Variants in FOXM1 observed in about 807,000 individuals in gnomAD.
FOXM1 encodes forkhead box M1.
FOXM1 carries 25 observed loss-of-function variants against 63.6 expected under a neutral mutation model. That is an observed-to-expected ratio of 0.39 (90% CI 0.29 to 0.55). FOXM1 has a LOEUF of 0.55. Ranked by LOEUF, FOXM1 falls within the 20% of genes least tolerant of loss-of-function variation. The pLI is 0.60. For synonymous variants in FOXM1, 387 were observed against 376.9 expected, an observed-to-expected ratio of 1.03 and a Z score of -0.31; for missense variants, 879 against 958.7, an observed-to-expected ratio of 0.92 and a Z score of 1.10.
Position 2,858,035 on chromosome 12 carries a change from G to T in FOXM1, c.*603C>A, listed in dbSNP as rs963020716. Reference sequence around the variant, plus strand: ...AGGAAAGCTGACTTGGAAACACGGGGAGGTGGCAGGGAGGGGCAAAAAGGA... The same window carrying T: ...AGGAAAGCTGACTTGGAAACACGGGTAGGTGGCAGGGAGGGGCAAAAAGGA... On this transcript the variant is annotated 3_prime_UTR_variant, in exon 9 of 9. Transcript: ENST00000359843. 2.0e-5 allele frequency: 3 copies of T among 152,784 alleles called. No individual in the cohort carries two copies. Among genetic ancestry groups the T allele is most frequent in the African/African-American group, 7.2e-5 (3 of 41,438 alleles). 9.5% of individuals were successfully genotyped at this position (152,784 alleles called of 1,614,324 possible). A position where few individuals can be genotyped will look rare whatever the true frequency, so the allele number is the denominator to read the frequency against.
Position 2,865,643 on chromosome 12 carries a change from C to CTT in FOXM1, c.976-246_976-245dup, listed in dbSNP as rs58125017. On this transcript the variant is annotated intron_variant, in intron 5 of 8. Transcript: ENST00000359843. ...CTTCTGGTCTCCAGCCTAAGGCAGG[C>CTT]TTTTTTTTTTTTTTTTTTTTTTTTT... Among the ~76,000 whole-genome samples, 13 of 67,976 alleles carry CTT rather than the reference C, an allele frequency of 1.9e-4. 1 individual carries two copies. Among genetic ancestry groups the CTT allele is most frequent in the Non-Finnish European group, 3.4e-4 (12 of 34,914 alleles). 44.6% of individuals were successfully genotyped at this position (67,976 alleles called of 152,430 possible).
At chr12:2,865,480 CACTT>C in intron 5 of FOXM1, 81 bp from the exon 6 acceptor site, 1 of 1,170,956 alleles carries the variant, frequency 8.5e-7, no homozygotes, top group African/African-American at 1.5e-5. Context: ...TTGGGAAAAA[CACTT>C]ATTCCTGACT....
At chr12:2,868,024 C>G (rs934402591) in intron 4 of FOXM1, among the ~76,000 whole-genome samples, 2 of 145,510 alleles carry the variant, frequency 1.4e-5, no homozygotes, top group African/African-American at 5.0e-5. Flanking sequence ...ATGAGGAAAA[C>G]AAAGCACACT....
In FOXM1 at chr12:2,872,522, T is replaced by C. The variant is rs1448486713; in HGVS notation, c.503-275A>G. On this transcript the variant is annotated intron_variant, in intron 2 of 8. Transcript: ENST00000359843. This position sits in a 1 kb window ranked among gnomAD's most constrained non-coding sequence, Gnocchi z 4.0. Reference sequence around the variant, plus strand: ...TACTCAGGAGGCTGAGACAGGAGAATTGCTCGAACCCGGGAGACGAAGGCT... The same window carrying C: ...TACTCAGGAGGCTGAGACAGGAGAACTGCTCGAACCCGGGAGACGAAGGCT... Among the ~76,000 whole-genome samples the C allele has an allele frequency of 6.6e-6, 1 of 152,096 alleles. No homozygotes were observed. Among genetic ancestry groups the C allele is most frequent in the African/African-American group, 2.4e-5 (1 of 41,386 alleles).
In FOXM1 at chr12:2,866,510, G is replaced by A. The variant is rs2098123405; in HGVS notation, c.858C>T (p.Arg286=). The change falls in exon 5 of 9, where the codon CGC becomes CGT. Residue 286 remains arginine (R), a synonymous_variant. Coordinates refer to ENST00000359843, the MANE Select transcript of FOXM1 (RefSeq NM_021953.4). ...ACATGTCGTGCAGGGAAAGGTTGTGGCGGATGGAGTTCTGGAAGAAGAGCA... is the reference window on the plus strand; with the variant it reads ...ACATGTCGTGCAGGGAAAGGTTGTGACGGATGGAGTTCTGGAAGAAGAGCA... ...IAKPGWKNSI[R]HNLSLHDMFV... 1 of 1,542,982 alleles carries A rather than the reference G, an allele frequency of 6.5e-7. No individual in the cohort carries two copies. Among genetic ancestry groups the A allele is most frequent in the Non-Finnish European group, 8.7e-7 (1 of 1,149,978 alleles).
At chr12:2,868,411 A>G (rs1416936933) in intron 4 of FOXM1, 152 bp downstream of exon 4, 4 of 588,024 alleles carry the variant, frequency 6.8e-6, no homozygotes, top group African/African-American at 1.9e-5. Context: ...CCTGGATTCA[A>G]TAAGATTGAG....
rs749932902 is a variant in FOXM1, at chr12:2,874,173, C to T, written c.306G>A (p.Gly102=). ...AGCTGATGAGGATGAATTTGTTGGG[C>T]CCACTACTGCCACTCTCTTTTCCCT... ...TAKGKESGSS[G]PNKFILISCG... The change falls in exon 2 of 9, where the codon GGG becomes GGA. Residue 102 remains glycine (G), a synonymous_variant. Coordinates refer to ENST00000359843, the MANE Select transcript of FOXM1 (RefSeq NM_021953.4). The surrounding 1 kb of genome is among the most constrained non-coding windows in gnomAD (Gnocchi z 4.3). 73 of 1,614,042 alleles carry T rather than the reference C, an allele frequency of 4.5e-5. 3 individuals carry two copies. The Middle Eastern group carries it at 1.2e-3, about 25-fold the overall frequency.
Position 2,858,652 on chromosome 12 carries a change from G to A in FOXM1, c.2278C>T (p.Pro760Ser), listed in dbSNP as rs2098097700. 1 of 1,613,956 alleles carries A rather than the reference G, an allele frequency of 6.2e-7. No individual in the cohort carries two copies. Among genetic ancestry groups the A allele is most frequent in the Non-Finnish European group, 8.5e-7 (1 of 1,179,940 alleles). The change falls in exon 9 of 9, where the codon CCT becomes TCT. Residue 760 changes from proline (P) to serine (S), a missense_variant. Physicochemically the swap from Pro to Ser is moderately conservative, Grantham distance 74. Coordinates refer to ENST00000359843, the MANE Select transcript of FOXM1 (RefSeq NM_021953.4). ...AGGGCAGGGCTCTACTGTAGCTCAGGAATAAACTGGGACCAGTTGATGTTG... is the reference window on the plus strand; with the variant it reads ...AGGGCAGGGCTCTACTGTAGCTCAGAAATAAACTGGGACCAGTTGATGTTG... ...PDNINWSQFI[P>S]ELQ is the part of the protein sequence containing the mutation.
At chr12:2,868,832 A>G (rs554931545) in intron 3 of FOXM1, 78 bp from the exon 4 acceptor site, 1 of 1,157,838 alleles carries the variant, frequency 8.6e-7, no homozygotes, top group Admixed American at 2.2e-5. Context: ...AAGAACATCT[A>G]GAGAAACCTT....
rs1415906004 is a variant in FOXM1, at chr12:2,868,554, A to G, written c.846+9T>C. The G allele has an allele frequency of 6.2e-7, 1 of 1,600,570 alleles. No individual in the cohort carries two copies. Among genetic ancestry groups the G allele is most frequent in the Non-Finnish European group, 8.5e-7 (1 of 1,172,294 alleles). On this transcript the variant is annotated intron_variant, in intron 4 of 8. Transcript: ENST00000359843. The stretch of plus-strand genomic sequence containing the variant: ...TGACCTTGATTTTGGTTGCTGTGGG[A>G]CACATTACCTTCCAGCCTGGCTTGG...
chr12:2,860,004 C>T (rs898939557), intron 8 of FOXM1, among the ~76,000 whole-genome samples: 2 of 151,886 alleles, frequency 1.3e-5, no homozygotes, highest in Non-Finnish European at 1.5e-5. Context: ...TGGTACACAA[C>T]CCCCAACTGC....
At chr12:2,869,115 C>G (rs1039704363) in intron 3 of FOXM1, among the ~76,000 whole-genome samples, 2 of 152,138 alleles carry the variant, frequency 1.3e-5, no homozygotes, top group Non-Finnish European at 2.9e-5. Flanking sequence ...GTCTAGAAAC[C>G]TAGGTCTTAG....
intron 4 of FOXM1, chr12:2,868,355 G>T (rs1382224554): frequency 9.0e-6 from 4 of 443,684 alleles, no homozygotes. Flanking sequence ...ATGGACTTTA[G>T]GTAGTAACAC....
Position 2,874,510 on chromosome 12 carries a change from A to G in FOXM1, c.-32T>C. ...TCTGCGTTTTCACTCTCCATTGAGAATCACAAGTGTGGACCCTGGAAAATG... is the reference window on the plus strand; with the variant it reads ...TCTGCGTTTTCACTCTCCATTGAGAGTCACAAGTGTGGACCCTGGAAAATG... On this transcript the variant is annotated 5_prime_UTR_variant, in exon 2 of 9. Coordinates refer to ENST00000359843, the MANE Select transcript of FOXM1 (RefSeq NM_021953.4). The surrounding 1 kb of genome is among the most constrained non-coding windows in gnomAD (Gnocchi z 4.3). 1 of 1,576,370 alleles carries G rather than the reference A, an allele frequency of 6.3e-7. No individual in the cohort carries two copies. The highest frequency in any genetic ancestry group is 1.2e-5 in the South Asian group (1 of 86,060).
intron 3 of FOXM1, among the ~76,000 whole-genome samples, chr12:2,870,877 T>G (rs908471009): frequency 6.9e-6 from 1 of 145,708 alleles, no homozygotes; most frequent in Non-Finnish European, 1.5e-5. Flanking sequence ...GAGAATCACT[T>G]GACCTGGGAG....
At chr12:2,862,586 A>T (rs989781608) in intron 8 of FOXM1, among the ~76,000 whole-genome samples, 1 of 152,206 alleles carries the variant, frequency 6.6e-6, no homozygotes, top group Non-Finnish European at 1.5e-5. Context: ...GCTAGAATGC[A>T]GTGGCACGAT....
rs1425537952 is a variant in FOXM1 at position 2,859,071 on chromosome 12, G to A, written c.1859C>T (p.Thr620Ile). 5 of 1,608,058 alleles carry A rather than the reference G, an allele frequency of 3.1e-6. No individual in the cohort carries two copies. In the South Asian group the frequency reaches 3.3e-5, roughly 11 times the overall value. The change falls in exon 9 of 9, where the codon ACC becomes ATC. Residue 620 changes from threonine to isoleucine, a missense_variant. Thr to Ile is a moderately conservative substitution (Grantham distance 89, BLOSUM62 -1). This residue lies in a region of FOXM1 where 486 missense variants were observed against 453.5 expected (regional missense o/e 1.07). Coordinates refer to ENST00000359843, the MANE Select transcript of FOXM1 (RefSeq NM_021953.4). ...STPSKSVLPR[T>I]PESWRLTPPA... ...GGGCGTGAGCCTCCAGGATTCAGGG[G>A]TTCTGGGGAGGACAGATTTGCTCGG...
intron 8 of FOXM1, chr12:2,861,169 A>G (rs1053587530): frequency 2.3e-5 from 7 of 302,288 alleles, no homozygotes; most frequent in Non-Finnish European, 3.8e-5. Context: ...CTCCGTCTCA[A>G]AAAAAAAAAA....
chr12:2,874,405 C>T lies in FOXM1; in HGVS notation c.74G>A (p.Ser25Asn). ...CTTAGGTTCCTCCTCTGATGTTTCACTTGGGGCATTTTGAACAGGAAGGGG... is the reference window on the plus strand; with the variant it reads ...CTTAGGTTCCTCCTCTGATGTTTCATTTGGGGCATTTTGAACAGGAAGGGG... ...RLPLPVQNAPSETSEEEPKRS... is the reference protein window; with the variant it reads ...RLPLPVQNAPNETSEEEPKRS... The change falls in exon 2 of 9, where the codon AGT becomes AAT. Residue 25 changes from serine (S) to asparagine (N), a missense_variant. By Grantham distance (46) the Ser-to-Asn change is conservative (BLOSUM62 1). This residue lies in a region of FOXM1 where 255 missense variants were observed against 292.4 expected (regional missense o/e 0.87). Transcript: ENST00000359843. This position sits in a 1 kb window ranked among gnomAD's most constrained non-coding sequence, Gnocchi z 4.3. 1.2e-6 allele frequency: 2 copies of T among 1,614,054 alleles called. No homozygotes were observed. The highest frequency in any genetic ancestry group is 1.3e-5 in the African/African-American group (1 of 75,016).
Sources: allele counts gnomAD v4.1 joint callset (sites outside exome capture counted in the v4.1 genomes callset), GRCh38; gene constraint gnomAD v4.1.1; regional missense constraint gnomAD v4.1.1; non-coding constraint Gnocchi (gnomAD v3.1); transcripts MANE v1.5; gene names NCBI Gene and HGNC (gene_info 2026-07-23, HGNC 2026-07-21).